OR56A3: variants seen among roughly 807,000 people sequenced by gnomAD.
OR56A3 encodes the protein olfactory receptor family 56 subfamily A member 3.
In OR56A3, 23 loss-of-function variants were observed where a neutral mutation model predicts 17.5. The ratio of observed to expected loss-of-function variants is 1.32; its 90% CI spans 0.95 to 1.87. The LOEUF is 1.87. Among genes scored for constraint, OR56A3 ranks in the 40% most tolerant of loss-of-function variants. OR56A3 has a pLI of 0.00. For missense variants in OR56A3, 366 were observed against 380.1 expected (o/e 0.96, Z 0.31); for synonymous variants, 175 against 150.6 (o/e 1.16, Z -1.19).
chr11:5,985,032 T>A, the OR56A3 span, among the ~76,000 whole-genome samples: 1 of 152,240 alleles, frequency 6.6e-6, no homozygotes, highest in Non-Finnish European at 1.5e-5. Context: ...ATAGAAGATC[T>A]AATTGACACC....
At chr11:5,994,326 A>C in the OR56A3 span, 7 of 673,864 alleles carry the variant, frequency 1.0e-5, no homozygotes, top group Admixed American at 1.1e-4. Flanking sequence ...GCATGTGACC[A>C]CTGTGGTGCT....
chr11:5,994,222 A>G, the OR56A3 span: 9 of 538,224 alleles, frequency 1.7e-5, no homozygotes, highest in Non-Finnish European at 3.2e-5. Context: ...GCTGGCCTTC[A>G]GATTTCTCAT....
rs938028700 is a variant in OR56A3 at position 5,944,929 on chromosome 11, C to A, written c.-190C>A. The A allele has an allele frequency of 1.3e-5, 2 of 152,122 alleles. No homozygotes were observed. Among genetic ancestry groups the A allele is most frequent in the East Asian group, 1.9e-4 (1 of 5,184 alleles). The allele number at this position is 152,122 out of a possible 1,614,324, so 9.4% of individuals were successfully genotyped here. A position where few individuals can be genotyped will look rare whatever the true frequency, so the allele number is the denominator to read the frequency against. On this transcript the variant is annotated 5_prime_UTR_variant, in exon 2 of 3. Transcript: ENST00000641160. ...AAGAGAGGATCCCTGGAGGAATGCCCGTCCTCCCTCCACTGACAGCAGCCA... is the reference window on the plus strand; with the variant it reads ...AAGAGAGGATCCCTGGAGGAATGCCAGTCCTCCCTCCACTGACAGCAGCCA...
rs1427474239 is a variant in OR56A3 at position 5,947,361 on chromosome 11, A to G, written c.15A>G (p.Arg5=). The change falls in exon 3 of 3, where the codon CGA becomes CGG. Residue 5 remains arginine (R), a synonymous_variant. Transcript: ENST00000641160. ...TATGGGAAAATATGACAACACACCG[A>G]AATGACACCCTCTCCACTGAAGCTT... The part of the protein sequence containing the change: MTTH[R]NDTLSTEASD... 4 of 1,597,870 alleles carry G rather than the reference A, an allele frequency of 2.5e-6. No homozygotes were observed. The East Asian group carries it at 9.0e-5, about 36-fold the overall frequency.
At chr11:5,986,778 G>A in the OR56A3 span, 36 of 1,613,918 alleles carry the variant, frequency 2.2e-5, no homozygotes, top group Non-Finnish European at 3.0e-5. Flanking sequence ...GGAGGTAAAG[G>A]ATGCCCAGGG....
At chr11:5,986,842 A>G in the OR56A3 span, 1 of 1,614,048 alleles carries the variant, frequency 6.2e-7, no homozygotes, top group Non-Finnish European at 8.5e-7. Flanking sequence ...TACCAGGAGA[A>G]AAGAAGGCTG....
downstream of OR56A3, among the ~76,000 whole-genome samples, chr11:5,954,800 T>A (rs997719692): frequency 6.6e-6 from 1 of 152,202 alleles, no homozygotes; most frequent in Non-Finnish European, 1.5e-5. Context: ...CTAAAGGAAC[T>A]TTCCTGATCC....
the OR56A3 span, among the ~76,000 whole-genome samples, chr11:6,007,930 C>G: frequency 6.6e-6 from 1 of 152,160 alleles, no homozygotes; most frequent in African/African-American, 2.4e-5. Flanking sequence ...GTGTCATGTC[C>G]AAGATTTTAT....
chr11:5,966,207 C>CA, the OR56A3 span, among the ~76,000 whole-genome samples: 4,711 of 63,834 alleles, frequency 0.074, 109 homozygotes, highest in South Asian at 0.098. Context: ...CCCGTCTCTA[C>CA]AAAAAAAAAA....
chr11:6,014,476 C>A, the OR56A3 span, among the ~76,000 whole-genome samples: 26 of 152,312 alleles, frequency 1.7e-4, no homozygotes, highest in Admixed American at 3.3e-4. Context: ...ATGTAAGATA[C>A]CTACTCCTTC....
chr11:6,012,476 C>A, the OR56A3 span, among the ~76,000 whole-genome samples: 1 of 152,080 alleles, frequency 6.6e-6, no homozygotes, highest in East Asian at 1.9e-4. Context: ...CAGCTCTCAG[C>A]AGAGAGGAGG....
chr11:5,996,017 A>G, the OR56A3 span, among the ~76,000 whole-genome samples: 1 of 152,144 alleles, frequency 6.6e-6, no homozygotes, highest in African/African-American at 2.4e-5. Flanking sequence ...ATTTCACTTA[A>G]TATAGTGTCC....
rs767579946 is a variant in OR56A3 at position 5,948,026 on chromosome 11, G to A, written c.680G>A (p.Arg227Gln). 2.0e-5 allele frequency: 32 copies of A among 1,614,028 alleles called. No individual in the cohort carries two copies. Among genetic ancestry groups the A allele is most frequent in the Middle Eastern group, 1.6e-4 (1 of 6,084 alleles). The change falls in exon 3 of 3, where the codon CGA (arginine) becomes CAA (glutamine). Residue 227 changes from arginine (R) to glutamine (Q), a missense_variant. Physicochemically the swap from Arg to Gln is conservative, Grantham distance 43. Transcript: ENST00000641160. ...LIFLSYTFIL[R>Q]AVLRLKAEGA... ...TTCCTCTCCTACACCTTCATTCTGC[G>A]AGCTGTGCTGAGACTCAAGGCAGAG... is the stretch of plus-strand genomic sequence containing the variant.
At chr11:5,973,629 C>A in the OR56A3 span, among the ~76,000 whole-genome samples, 1 of 151,776 alleles carries the variant, frequency 6.6e-6, no homozygotes, top group Non-Finnish European at 1.5e-5. Context: ...TTTTCCTTCA[C>A]CTCCTAGGTC....
Position 5,947,449 on chromosome 11 carries a change from C to T in OR56A3, c.103C>T (p.Leu35Phe). 1 of 1,614,230 alleles carries T rather than the reference C, an allele frequency of 6.2e-7. No individual in the cohort carries two copies. Among genetic ancestry groups the T allele is most frequent in the African/African-American group, 1.3e-5 (1 of 75,074 alleles). Residue 35 changes from leucine to phenylalanine, a missense_variant, in exon 3 of 3, where the codon CTC becomes TTC. Leu to Phe is a conservative substitution (Grantham distance 22). Transcript: ENST00000641160. ...CTGGCAGCACTGGCTGTCCCTGCCC[C>T]TCAGCCTCCTTTTCCTCTTGGCCGT... is the stretch of plus-strand genomic sequence containing the variant. ...PSWQHWLSLP[L>F]SLLFLLAVGA... is the part of the protein sequence containing the mutation.
At chr11:6,014,975 C>T in the OR56A3 span, among the ~76,000 whole-genome samples, 1 of 81,868 alleles carries the variant, frequency 1.2e-5, no homozygotes, top group East Asian at 6.9e-4. Context: ...GCAGCCTATG[C>T]TCATATTCAT....
chr11:6,005,524 T>G, the OR56A3 span, among the ~76,000 whole-genome samples: 1 of 152,160 alleles, frequency 6.6e-6, no homozygotes, highest in Non-Finnish European at 1.5e-5. Flanking sequence ...TTGTAGGAAA[T>G]CACAGAATAT....
chr11:5,965,499 G>A, the OR56A3 span, among the ~76,000 whole-genome samples: 1 of 151,966 alleles, frequency 6.6e-6, no homozygotes, highest in Non-Finnish European at 1.5e-5. Flanking sequence ...GTTATATAAG[G>A]CTTTTTGTAA....
At position 5,947,423 on chromosome 11, in the gene OR56A3, G is replaced by C. The variant is rs1847876613; in HGVS notation, c.77G>C (p.Ser26Thr). 6.2e-7 allele frequency: 1 copy of C among 1,614,046 alleles called. No individual in the cohort carries two copies. The highest frequency in any genetic ancestry group is 1.7e-5 in the Admixed American group (1 of 60,002). ...FLLNCFVRSP[S>T]WQHWLSLPLS... ...TTGAATTGTTTTGTCAGATCCCCCA[G>C]CTGGCAGCACTGGCTGTCCCTGCCC... Residue 26 changes from serine to threonine, a missense_variant, in exon 3 of 3, where the codon AGC (serine) becomes ACC (threonine). Physicochemically the swap from Ser to Thr is moderately conservative, Grantham distance 58. Transcript: ENST00000641160.
Sources: allele counts gnomAD v4.1 joint callset (sites outside exome capture counted in the v4.1 genomes callset), GRCh38; gene constraint gnomAD v4.1.1; transcripts MANE v1.5; gene names NCBI Gene and HGNC (gene_info 2026-07-23, HGNC 2026-07-21).